Variants in DDX10 observed in about 807,000 individuals in gnomAD.
DDX10 encodes the protein probable ATP-dependent RNA helicase DDX10.
DDX10 carries 74 observed loss-of-function variants against 104.3 expected under a neutral mutation model. The observed-to-expected ratio is 0.71, with a 90% CI of 0.59 to 0.86. The LOEUF (loss-of-function observed/expected upper bound fraction) is 0.86, where lower values mean the gene tolerates loss of function less well. Among genes scored for constraint, DDX10 ranks in the 40% least tolerant of loss-of-function variants. The pLI, the probability that DDX10 is intolerant of heterozygous loss-of-function variation, is 0.00. For synonymous variants in DDX10, 351 were observed against 353.4 expected, an observed-to-expected ratio of 0.99 and a Z score of 0.08; for missense variants, 952 against 1,040.0, an observed-to-expected ratio of 0.92 and a Z score of 1.16.
intron 15 of DDX10, among the ~76,000 whole-genome samples, chr11:108,848,671 A>G (rs1429678723): frequency 6.6e-6 from 1 of 152,146 alleles, no homozygotes; most frequent in Admixed American, 6.5e-5. Flanking sequence ...TATATCCAGC[A>G]TCGAAAATGA....
chr11:108,697,518 T>C (rs1565250529), intron 9 of DDX10, among the ~76,000 whole-genome samples: 2 of 152,186 alleles, frequency 1.3e-5, no homozygotes, highest in Non-Finnish European at 2.9e-5. Flanking sequence ...AAAAAGTGAT[T>C]TGGGTACTTT....
chr11:108,820,277 A>C (rs1862308821), intron 13 of DDX10, among the ~76,000 whole-genome samples: 1 of 152,206 alleles, frequency 6.6e-6, no homozygotes, highest in African/African-American at 2.4e-5. Flanking sequence ...CTGGATTGGC[A>C]CTTGTCATCA....
intron 9 of DDX10, among the ~76,000 whole-genome samples, chr11:108,703,454 C>T (rs567949717): frequency 1.3e-5 from 2 of 151,922 alleles, no homozygotes; most frequent in African/African-American, 2.4e-5. Flanking sequence ...CTTGGCCTCT[C>T]GAGTAGCTGG....
intron 16 of DDX10, among the ~76,000 whole-genome samples, chr11:108,874,695 C>T (rs537751405): frequency 6.6e-6 from 1 of 152,154 alleles, no homozygotes; most frequent in Admixed American, 6.5e-5. Flanking sequence ...TTTGAAGGTC[C>T]TTGAGAATAG....
Position 108,761,000 on chromosome 11 carries a change from A to G in DDX10, c.1965+37538A>G, listed in dbSNP as rs143260024. 8.5e-5 allele frequency among the ~76,000 whole-genome samples: 13 copies of G among 152,230 alleles called. No homozygotes were observed. The East Asian group carries it at 2.5e-3, about 29-fold the overall frequency. ...CGCCTATTGGAATTCTAACAGTGTA[A>G]CAAAATTTAATCTAATATATAATAC... On this transcript the variant is annotated intron_variant, in intron 13 of 17. Coordinates refer to ENST00000322536, the MANE Select transcript of DDX10 (RefSeq NM_004398.4).
intron 16 of DDX10, among the ~76,000 whole-genome samples, chr11:108,873,987 C>T (rs1476517035): frequency 1.3e-5 from 2 of 152,156 alleles, no homozygotes; most frequent in East Asian, 3.9e-4. Context: ...TTGTCGCTAA[C>T]CAAGTAGCTA....
At chr11:108,924,045 A>G (rs1863875915) in intron 17 of DDX10, among the ~76,000 whole-genome samples, 1 of 151,982 alleles carries the variant, frequency 6.6e-6, no homozygotes, top group South Asian at 2.1e-4. Flanking sequence ...AGCATTTATC[A>G]TGTTTGGTTT....
intron 6 of DDX10, among the ~76,000 whole-genome samples, chr11:108,685,094 G>A (rs1377800389): frequency 1.3e-5 from 2 of 149,304 alleles, no homozygotes; most frequent in East Asian, 4.0e-4. Flanking sequence ...GTAGATTCTG[G>A]ATATTAGCCC....
intron 13 of DDX10, among the ~76,000 whole-genome samples, chr11:108,819,848 C>T (rs1862303071): frequency 6.6e-6 from 1 of 152,178 alleles, no homozygotes; most frequent in Non-Finnish European, 1.5e-5. Flanking sequence ...ATCCACCCGC[C>T]TCGGCCTCCC....
intron 13 of DDX10, 149 bp from the exon 14 acceptor site, chr11:108,838,297 G>A (rs1162634129): frequency 1.5e-5 from 12 of 785,710 alleles, no homozygotes; most frequent in Non-Finnish European, 2.3e-5. Context: ...GTCAAATAAT[G>A]TTATTCCTGG....
chr11:108,905,323 G>GT (rs1565314632), intron 16 of DDX10, among the ~76,000 whole-genome samples: 3 of 141,408 alleles, frequency 2.1e-5, no homozygotes, highest in Non-Finnish European at 3.1e-5. Context: ...GGGGGGGGGG[G>GT]GTTGAAATCC....
intron 13 of DDX10, among the ~76,000 whole-genome samples, chr11:108,753,106 G>A (rs1483435502): frequency 6.6e-6 from 1 of 151,940 alleles, no homozygotes; most frequent in African/African-American, 2.4e-5. Flanking sequence ...TCAGAAGGGA[G>A]AACTCTATAA....
intron 17 of DDX10, among the ~76,000 whole-genome samples, chr11:108,934,875 C>T (rs994303147): frequency 1.3e-5 from 2 of 152,178 alleles, no homozygotes; most frequent in African/African-American, 2.4e-5. Context: ...AGCCTGTGCA[C>T]CCACAGACTG....
In DDX10 at chr11:108,838,554, G is replaced by A; in HGVS notation, c.2074G>A (p.Asp692Asn). 2 of 1,609,556 alleles carry A rather than the reference G, an allele frequency of 1.2e-6. No individual in the cohort carries two copies. The highest frequency in any genetic ancestry group is 1.7e-6 in the Non-Finnish European group (2 of 1,178,160). Residue 692 changes from aspartate to asparagine, a missense_variant, in exon 14 of 18, where the codon GAT (aspartate) becomes AAT (asparagine). Transcript: ENST00000322536. Reference protein sequence around the residue: ...FKVNKKITFTDEGELVQQWPQ... With the variant: ...FKVNKKITFTNEGELVQQWPQ... Reference sequence around the variant, plus strand: ...AGTGAATAAGAAGATAACATTTACTGATGAAGGGGAGGTAAGATTCTAGAA... The same window carrying A: ...AGTGAATAAGAAGATAACATTTACTAATGAAGGGGAGGTAAGATTCTAGAA...
intron 17 of DDX10, among the ~76,000 whole-genome samples, chr11:108,934,968 T>C (rs1294350146): frequency 2.6e-5 from 4 of 152,120 alleles, no homozygotes; most frequent in Non-Finnish European, 4.4e-5. Flanking sequence ...GCAAAATCCA[T>C]TGAAATGTTG....
At chr11:108,743,112 T>C (rs2094327276) in intron 13 of DDX10, among the ~76,000 whole-genome samples, 1 of 152,130 alleles carries the variant, frequency 6.6e-6, no homozygotes, top group East Asian at 1.9e-4. Flanking sequence ...TTGATGAACA[T>C]AGATGCAAAA....
At chr11:108,861,708 G>T (rs1414443361) in intron 16 of DDX10, among the ~76,000 whole-genome samples, 2 of 152,078 alleles carry the variant, frequency 1.3e-5, no homozygotes, top group African/African-American at 4.8e-5. Flanking sequence ...TCTTAAACTG[G>T]GTGGTAGTTA....
chr11:108,754,945 C>G (rs2094342831), intron 13 of DDX10, among the ~76,000 whole-genome samples: 1 of 152,036 alleles, frequency 6.6e-6, no homozygotes, highest in African/African-American at 2.4e-5. Context: ...AGTGAGCTCT[C>G]TTATATTTCC....
At chr11:108,872,149 ATCTTC>A (rs1863091307) in intron 16 of DDX10, among the ~76,000 whole-genome samples, 1 of 152,204 alleles carries the variant, frequency 6.6e-6, no homozygotes, top group South Asian at 2.1e-4. Context: ...TTTTAAACTC[ATCTTC>A]TCAGTTGTTT....
Sources: allele counts gnomAD v4.1 joint callset (sites outside exome capture counted in the v4.1 genomes callset), GRCh38; gene constraint gnomAD v4.1.1; transcripts MANE v1.5; gene names NCBI Gene and HGNC (gene_info 2026-07-23, HGNC 2026-07-21).